KRT39: variants seen among roughly 807,000 people sequenced by gnomAD.
The protein encoded by KRT39 is keratin, type I cytoskeletal 39.
KRT39 carries 47 observed loss-of-function variants against 54.8 expected under a neutral mutation model. The ratio of observed to expected loss-of-function variants is 0.86; its 90% CI spans 0.68 to 1.09. KRT39 has a LOEUF of 1.09. KRT39 is among the 50% of genes least tolerant of loss of function. KRT39 has a pLI of 0.00. For missense variants in KRT39, 580 were observed against 598.5 expected, an observed-to-expected ratio of 0.97 and a Z score of 0.32; for synonymous variants, 207 against 227.9, an observed-to-expected ratio of 0.91 and a Z score of 0.83.
rs1010724333 is a variant in KRT39 at position 40,963,711 on chromosome 17, C to A, written c.624G>T (p.Val208=). ...DANGLKQILN[V]LTLGKADLEA... ...CTAGGTCGGCCTTGCCCAGGGTCAG[C>A]ACATTCAGGATCTGCTTGAGGCCAT... Residue 208 remains valine, a synonymous_variant, in exon 3 of 7, where the codon GTG becomes GTT. Coordinates refer to ENST00000355612, the MANE Select transcript of KRT39 (RefSeq NM_213656.4). 1 of 1,611,536 alleles carries A rather than the reference C, an allele frequency of 6.2e-7. No individual in the cohort carries two copies. Among genetic ancestry groups the A allele is most frequent in the African/African-American group, 1.3e-5 (1 of 74,882 alleles).
intron 2 of KRT39, 34 bp downstream of exon 2, chr17:40,964,412 C>T: frequency 2.5e-6 from 4 of 1,586,446 alleles, no homozygotes; most frequent in Non-Finnish European, 3.5e-6. Context: ...TCAGGGTGAG[C>T]TCTGTCATTG....
intron 3 of KRT39, among the ~76,000 whole-genome samples, chr17:40,963,262 T>A (rs139336760): frequency 6.6e-6 from 1 of 152,058 alleles, no homozygotes; most frequent in South Asian, 2.1e-4. Flanking sequence ...TGGGAGGAGA[T>A]TGGATCATGG....
intron 5 of KRT39, 110 bp from the exon 6 acceptor site, chr17:40,960,611 T>A: frequency 1.4e-6 from 1 of 724,548 alleles, no homozygotes. Flanking sequence ...CTGATAGATC[T>A]CCAAGCACTT....
chr17:40,964,540 A>T lies in KRT39; in HGVS notation c.469-12T>A. 1 of 1,574,816 alleles carries T rather than the reference A, an allele frequency of 6.3e-7. No individual in the cohort carries two copies. Among genetic ancestry groups the T allele is most frequent in the South Asian group, 1.1e-5 (1 of 90,354 alleles). ...TTGGTACACAAGATCTAGAATTAAG[A>T]GATTGTACACACAAATGAAGCAAAC... On this transcript the variant is annotated splice_polypyrimidine_tract_variant and intron_variant, in intron 1 of 6. Transcript: ENST00000355612.
Position 40,966,942 on chromosome 17 carries a change from G to A in KRT39, c.-86C>T. ...CACCTCCACAGAGTCTGAATTCCAA[G>A]GCTCTTGGTGTTTTCCTCTTTGAAG... On this transcript the variant is annotated 5_prime_UTR_variant, in exon 1 of 7. Coordinates refer to ENST00000355612, the MANE Select transcript of KRT39 (RefSeq NM_213656.4). 3.2e-6 allele frequency: 3 copies of A among 942,532 alleles called. No homozygotes were observed. Among genetic ancestry groups the A allele is most frequent in the Non-Finnish European group, 3.3e-6 (2 of 597,828 alleles). 58.4% of individuals were successfully genotyped at this position (942,532 alleles called of 1,614,324 possible).
At chr17:40,961,252 T>C (rs899643143) in intron 5 of KRT39, among the ~76,000 whole-genome samples, 6 of 152,234 alleles carry the variant, frequency 3.9e-5, no homozygotes, top group Admixed American at 6.5e-5. Context: ...TTCCTTTATA[T>C]GTAAAATATG....
At chr17:40,962,658 G>A (rs752682536) in intron 3 of KRT39, 95 bp from the exon 4 acceptor site, 10 of 1,048,162 alleles carry the variant, frequency 9.5e-6, no homozygotes, top group Non-Finnish European at 1.4e-5. Context: ...GCTTAATTGT[G>A]TCTAAAATAT....
Position 40,964,488 on chromosome 17 carries a change from T to C in KRT39, c.509A>G (p.Gln170Arg). The C allele has an allele frequency of 6.2e-7, 1 of 1,614,188 alleles. No homozygotes were observed. The highest frequency in any genetic ancestry group is 8.5e-7 in the Non-Finnish European group (1 of 1,180,012). The change falls in exon 2 of 7, where the codon CAA (glutamine) becomes CGA (arginine). Residue 170 changes from glutamine to arginine, a missense_variant. By Grantham distance (43) the Gln-to-Arg change is conservative. Coordinates refer to ENST00000355612, the MANE Select transcript of KRT39 (RefSeq NM_213656.4). ...TKAENSRLVSQIDNTKLTADD... is the reference protein window; with the variant it reads ...TKAENSRLVSRIDNTKLTADD... ...TGCAGTCAGTTTGGTGTTGTCAATT[T>C]GCGAGACCAGTCTGGAATTCTCGGC...
chr17:40,962,536 C>T lies in KRT39; in HGVS notation c.736G>A (p.Gly246Arg). 1.2e-6 allele frequency: 2 copies of T among 1,613,692 alleles called. No homozygotes were observed. The highest frequency in any genetic ancestry group is 1.7e-6 in the Non-Finnish European group (2 of 1,179,914). Residue 246 changes from glycine (G) to arginine (R), a missense_variant, in exon 4 of 7, where the codon GGG becomes AGG. Transcript: ENST00000355612. ...EEINSLQCQL[G>R]ERLDIEVTAA... ...GTCACTTCAATGTCAAGTCTCTCCC[C>T]AAGCTGACACTGTAAAGAATTGATT...
rs1567838206 is a variant in KRT39 at position 40,966,497 on chromosome 17, C to T, written c.360G>A (p.Glu120=). The part of the protein sequence containing the change: ...YLQKVRMLER[E]NAELESKIQE... ...GGATTTTAGATTCCAGTTCAGCATT[C>T]TCTCGTTCTAGCATTCGCACCTTTT... Residue 120 remains glutamate (E), a synonymous_variant, in exon 1 of 7, where the codon GAG becomes GAA. Transcript: ENST00000355612. 6.2e-7 allele frequency: 1 copy of T among 1,614,172 alleles called. No individual in the cohort carries two copies. Among genetic ancestry groups the T allele is most frequent in the East Asian group, 2.2e-5 (1 of 44,882 alleles).
intron 1 of KRT39, among the ~76,000 whole-genome samples, chr17:40,965,075 G>A (rs1290171520): frequency 6.6e-6 from 1 of 151,866 alleles, no homozygotes; most frequent in Non-Finnish European, 1.5e-5. Context: ...GTGGTGGCGG[G>A]CGCCTGTAGT....
Position 40,966,878 on chromosome 17 carries a change from TG to T in KRT39, c.-23del. 2 of 1,514,264 alleles carry T rather than the reference TG, an allele frequency of 1.3e-6. No individual in the cohort carries two copies. Among genetic ancestry groups the T allele is most frequent in the South Asian group, 2.3e-5 (2 of 88,192 alleles). The allele number at this position is 1,514,264 out of a possible 1,614,324, so 93.8% of individuals were successfully genotyped here. On this transcript the variant is annotated 5_prime_UTR_variant, in exon 1 of 7. Transcript: ENST00000355612. ...CCATAGTATGTGTCTGGCTTTAGTT[TG>T]TTCCAGGTCTGTGGTCACCAGGATG...
intron 3 of KRT39, 118 bp downstream of exon 3, chr17:40,963,509 T>G: frequency 2.3e-6 from 2 of 872,904 alleles, no homozygotes; most frequent in South Asian, 4.6e-5. Flanking sequence ...TATTTCTTTA[T>G]AGCAGTGTGA....
chr17:40,958,557 G>A lies in KRT39; in HGVS notation c.*44C>T. 1 of 1,558,006 alleles carries A rather than the reference G, an allele frequency of 6.4e-7. No homozygotes were observed. Among genetic ancestry groups the A allele is most frequent in the Non-Finnish European group, 8.7e-7 (1 of 1,152,380 alleles). ...ACCTCTCTGGCAGGAGCATGTATTG[G>A]CCTCTGTTTCATAAATGTGGGTCAT... On this transcript the variant is annotated 3_prime_UTR_variant, in exon 7 of 7. Coordinates refer to ENST00000355612, the MANE Select transcript of KRT39 (RefSeq NM_213656.4).
chr17:40,958,946 C>T, intron 6 of KRT39, 87 bp from the exon 7 acceptor site: 1 of 1,291,038 alleles, frequency 7.7e-7, no homozygotes, highest in Non-Finnish European at 1.1e-6. Flanking sequence ...ATTTTTTTAA[C>T]ACGTGTTGCT....
rs200184422 is a variant in KRT39, at chr17:40,958,782, G to A, written c.1295C>T (p.Thr432Met). The change falls in exon 7 of 7, where the codon ACG (threonine) becomes ATG (methionine). Residue 432 changes from threonine to methionine, a missense_variant. Coordinates refer to ENST00000355612, the MANE Select transcript of KRT39 (RefSeq NM_213656.4). ...GGATGAGGATGTGCAAGCTGGGGCC[G>A]TGCTTTCTATGGCTCCGGACTTACA... ...TSCKSGAIES[T>M]APACTSSSPC... is the part of the protein sequence containing the mutation. The A allele has an allele frequency of 4.6e-5, 75 of 1,613,918 alleles. No homozygotes were observed. Among genetic ancestry groups the A allele is most frequent in the Middle Eastern group, 1.7e-4 (1 of 6,058 alleles).
rs749655810 is a variant in KRT39 at position 40,966,071 on chromosome 17, G to GTT, written c.468+317_468+318insAA. On this transcript the variant is annotated intron_variant, in intron 1 of 6. Coordinates refer to ENST00000355612, the MANE Select transcript of KRT39 (RefSeq NM_213656.4). The stretch of plus-strand genomic sequence containing the variant: ...CTAATTTTTTTTTGTGTGTGTATGT[G>GTT]TGTGTGTGTGTGTGTGTGTGTAAGG... 6.9e-5 allele frequency among the ~76,000 whole-genome samples: 8 copies of GTT among 115,292 alleles called. No homozygotes were observed. The South Asian group carries it at 2.0e-3, about 29-fold the overall frequency. The allele number at this position is 115,292 out of a possible 152,430, so 75.6% of individuals were successfully genotyped here. A position where few individuals can be genotyped will look rare whatever the true frequency, so the allele number is the denominator to read the frequency against.
At chr17:40,963,537 C>A in intron 3 of KRT39, 90 bp downstream of exon 3, 1 of 1,230,542 alleles carries the variant, frequency 8.1e-7, no homozygotes, top group Non-Finnish European at 1.1e-6. Flanking sequence ...CTAATACAAG[C>A]GGGCACACCC....
At chr17:40,960,540 T>G in intron 5 of KRT39, 39 bp from the exon 6 acceptor site, 1 of 1,511,084 alleles carries the variant, frequency 6.6e-7, no homozygotes, top group East Asian at 2.3e-5. Flanking sequence ...TAATGACTCC[T>G]TTAAGCCCAG....
Sources: allele counts gnomAD v4.1 joint callset (sites outside exome capture counted in the v4.1 genomes callset), GRCh38; gene constraint gnomAD v4.1.1; transcripts MANE v1.5; gene names NCBI Gene and HGNC (gene_info 2026-07-23, HGNC 2026-07-21).